SLC4A7: variants seen among roughly 807,000 people sequenced by gnomAD.
The protein encoded by SLC4A7 is sodium bicarbonate cotransporter 3.
A neutral mutation model predicts 137.6 loss-of-function variants in SLC4A7; 51 were observed. The ratio of observed to expected loss-of-function variants is 0.37; its 90% CI spans 0.30 to 0.47. The LOEUF is 0.47. SLC4A7 is among the 20% of genes least tolerant of loss of function. The pLI is 1.00. For missense variants in SLC4A7, 1,247 were observed against 1,525.4 expected, an observed-to-expected ratio of 0.82 and a Z score of 3.04; for synonymous variants, 542 against 518.6, an observed-to-expected ratio of 1.05 and a Z score of -0.61.
At chr3:27,429,678 C>T (rs570563580) in intron 7 of SLC4A7, among the ~76,000 whole-genome samples, 3 of 151,918 alleles carry the variant, frequency 2.0e-5, no homozygotes, top group Non-Finnish European at 2.9e-5. Context: ...GGTGAAACCC[C>T]GTCTCTACTA....
intron 25 of SLC4A7, among the ~76,000 whole-genome samples, chr3:27,378,464 T>C (rs1215896156): frequency 1.3e-5 from 2 of 152,198 alleles, no homozygotes; most frequent in African/African-American, 2.4e-5. Flanking sequence ...CAGTAATTCA[T>C]TTCTCCAGAG....
chr3:27,474,025 A>G (rs753421174), intron 1 of SLC4A7, among the ~76,000 whole-genome samples: 1 of 152,214 alleles, frequency 6.6e-6, no homozygotes, highest in Non-Finnish European at 1.5e-5. Context: ...CCTCAACAGA[A>G]TAACAACTAG....
intron 22 of SLC4A7, among the ~76,000 whole-genome samples, chr3:27,386,329 A>C (rs2050948554): frequency 7.4e-6 from 1 of 134,878 alleles, no homozygotes; most frequent in Admixed American, 7.4e-5. Context: ...AAAGCAAAAA[A>C]CAATTAATTT....
At chr3:27,413,682 TA>T (rs1247165331) in intron 11 of SLC4A7, among the ~76,000 whole-genome samples, 5 of 152,156 alleles carry the variant, frequency 3.3e-5, no homozygotes, top group African/African-American at 1.2e-4. Flanking sequence ...TAAATGTCAA[TA>T]AAAAAGAAAT....
At chr3:27,424,213 G>A (rs2055304558) in intron 7 of SLC4A7, 61 bp from the exon 8 acceptor site, 1 of 797,152 alleles carries the variant, frequency 1.3e-6, no homozygotes, top group South Asian at 1.7e-5. Flanking sequence ...ACCTGATTCT[G>A]CTCACATTCT....
chr3:27,473,666 T>G (rs1306608428), intron 1 of SLC4A7, among the ~76,000 whole-genome samples: 2 of 122,496 alleles, frequency 1.6e-5, no homozygotes, highest in African/African-American at 6.4e-5. Flanking sequence ...CGAGATCATA[T>G]CAGCACTCCA....
rs1281346664 is a variant in SLC4A7, at chr3:27,431,337, C to T, written c.1111G>A (p.Glu371Lys). 7 of 1,607,110 alleles carry T rather than the reference C, an allele frequency of 4.4e-6. No individual in the cohort carries two copies. Among genetic ancestry groups the T allele is most frequent in the South Asian group, 1.1e-5 (1 of 89,986 alleles). ...EEDLEAALKG[E>K]EQKNEENVDL... ...ACATTTTCCTCATTCTTCTGCTCCTCGCCTTTCAGCGCTGCTTCTAAGTCT... is the reference window on the plus strand; with the variant it reads ...ACATTTTCCTCATTCTTCTGCTCCTTGCCTTTCAGCGCTGCTTCTAAGTCT... Residue 371 changes from glutamate to lysine, a missense_variant, in exon 7 of 26, where the codon GAG (glutamate) becomes AAG (lysine). This residue lies in a region of SLC4A7 where 499 missense variants were observed against 664.2 expected (regional missense o/e 0.75). Coordinates refer to ENST00000454389, the MANE Select transcript of SLC4A7 (RefSeq NM_001321103.2).
chr3:27,382,555 TTAAATA>T (rs1320744781), intron 24 of SLC4A7, among the ~76,000 whole-genome samples: 1 of 152,306 alleles, frequency 6.6e-6, no homozygotes, highest in East Asian at 1.9e-4. Flanking sequence ...GTTCTTAAAT[TTAAATA>T]TAAATCATCA....
At chr3:27,465,966 A>G (rs765944510) in intron 1 of SLC4A7, among the ~76,000 whole-genome samples, 27 of 140,766 alleles carry the variant, frequency 1.9e-4, no homozygotes, top group Non-Finnish European at 2.4e-4. Flanking sequence ...AAAAAAAAAA[A>G]GAAAGAAAGA....
chr3:27,480,372 T>C (rs2059656734), intron 1 of SLC4A7, among the ~76,000 whole-genome samples: 2 of 152,154 alleles, frequency 1.3e-5, no homozygotes. Context: ...TAGCTGGGAC[T>C]ACAGGCTAGC....
chr3:27,381,327 C>A (rs886188620), intron 24 of SLC4A7, among the ~76,000 whole-genome samples: 1 of 152,116 alleles, frequency 6.6e-6, no homozygotes, highest in East Asian at 1.9e-4. Flanking sequence ...CAAATACTCT[C>A]GGCAAATTGG....
At chr3:27,463,112 G>A (rs1041820849) in intron 1 of SLC4A7, among the ~76,000 whole-genome samples, 2 of 152,066 alleles carry the variant, frequency 1.3e-5, no homozygotes, top group Admixed American at 6.6e-5. Flanking sequence ...CCAACATGGC[G>A]AAACCTCGTC....
chr3:27,456,583 G>T, intron 1 of SLC4A7: 1 of 1,075,184 alleles, frequency 9.3e-7, no homozygotes, highest in Non-Finnish European at 1.4e-6. Flanking sequence ...ATTTCTTCAA[G>T]CTTCACTATT....
At chr3:27,420,023 C>A (rs1255205147) in intron 10 of SLC4A7, among the ~76,000 whole-genome samples, 1 of 151,880 alleles carries the variant, frequency 6.6e-6, no homozygotes, top group Non-Finnish European at 1.5e-5. Flanking sequence ...CCCGTCTCTA[C>A]TAAAAATACA....
intron 11 of SLC4A7, among the ~76,000 whole-genome samples, chr3:27,416,896 G>A (rs921409932): frequency 2.6e-5 from 4 of 152,156 alleles, no homozygotes; most frequent in Non-Finnish European, 5.9e-5. Flanking sequence ...TCATGAAGAC[G>A]TCAGTTCTCC....
At chr3:27,416,529 CTAAT>C (rs2054399940) in intron 11 of SLC4A7, among the ~76,000 whole-genome samples, 1 of 151,842 alleles carries the variant, frequency 6.6e-6, no homozygotes, top group South Asian at 2.1e-4. Context: ...TCAGGAATAC[CTAAT>C]TAATCTTAAT....
chr3:27,428,444 A>G (rs2055888864), intron 7 of SLC4A7, among the ~76,000 whole-genome samples: 1 of 152,242 alleles, frequency 6.6e-6, no homozygotes, highest in South Asian at 2.1e-4. Context: ...TACTACTATT[A>G]TAACTAATGT....
At chr3:27,426,805 G>A (rs770769265) in intron 7 of SLC4A7, among the ~76,000 whole-genome samples, 38 of 152,162 alleles carry the variant, frequency 2.5e-4, no homozygotes, top group Admixed American at 6.5e-4. Flanking sequence ...CCCAACCTCA[G>A]CTAAACTAAA....
At chr3:27,460,191 G>A (rs1170846390) in intron 1 of SLC4A7, among the ~76,000 whole-genome samples, 4 of 151,672 alleles carry the variant, frequency 2.6e-5, no homozygotes, top group East Asian at 3.9e-4. Context: ...CCACCACTAC[G>A]CTCAGCTAAT....
Sources: allele counts gnomAD v4.1 joint callset (sites outside exome capture counted in the v4.1 genomes callset), GRCh38; gene constraint gnomAD v4.1.1; regional missense constraint gnomAD v4.1.1; transcripts MANE v1.5; gene names NCBI Gene and HGNC (gene_info 2026-07-23, HGNC 2026-07-21).